KDM5C: variants seen among roughly 807,000 people sequenced by gnomAD.
KDM5C encodes lysine-specific demethylase 5C.
Under a neutral mutation model 110.6 loss-of-function variants are expected in KDM5C, and 16 were observed. The ratio of observed to expected loss-of-function variants is 0.14; its 90% CI spans 0.10 to 0.22. The LOEUF is 0.22. KDM5C is among the 10% of genes least tolerant of loss of function. The pLI is 1.00. For missense variants in KDM5C, 681 were observed against 1,300.9 expected (o/e 0.52, Z 7.33); for synonymous variants, 511 against 520.4 (o/e 0.98, Z 0.24).
At chrX:53,202,744 T>C (rs1488741415) in intron 12 of KDM5C, 1 of 112,291 alleles carries the variant, frequency 8.9e-6, no homozygotes, top group Non-Finnish European at 1.9e-5. Context: ...GTGAAGAACC[T>C]ACTTTTCTTT....
intron 8 of KDM5C, chrX:53,212,284 CCT>C: frequency 5.5e-6 from 1 of 181,773 alleles, no homozygotes. Context: ...CACCATTTTT[CCT>C]CTCTAGCTAA....
At chrX:53,208,150 A>G (rs1447296934) in intron 12 of KDM5C, among the ~76,000 whole-genome samples, 3 of 107,947 alleles carry the variant, frequency 2.8e-5, no homozygotes, top group Non-Finnish European at 3.8e-5. Context: ...AAAATCACAG[A>G]TACTTGAATT....
At chrX:53,191,216 A>C (rs782764868), downstream of KDM5C, 76 of 167,666 alleles carry the variant, frequency 4.5e-4, no homozygotes, top group African/African-American at 2.2e-3. Context: ...CAGCACCCTC[A>C]TCTTAAAGAC....
rs74850270 is a variant in KDM5C, at chrX:53,201,727, C to T, written c.1884G>A (p.Gln628=). 1.6e-3 allele frequency: 1,898 copies of T among 1,210,494 alleles called. 30 individuals carry two copies. The African/African-American group carries it at 0.029, about 18-fold the overall frequency. The change falls in exon 14 of 26, where the codon CAG becomes CAA. Residue 628 remains glutamine, a synonymous_variant. Coordinates refer to ENST00000375401, the MANE Select transcript of KDM5C (RefSeq NM_004187.5). The stretch of plus-strand genomic sequence containing the variant: ...GGAGCCGGCGGTAGTGCTCAATGCA[C>T]TGGCGCCCAGCAGGCAACTGTGGGC... The part of the protein sequence containing the change: ...CTADWLPAGR[Q]CIEHYRRLRR...
intron 25 of KDM5C, among the ~76,000 whole-genome samples, chrX:53,178,690 T>C (rs1394185119): frequency 1.8e-5 from 2 of 112,459 alleles, no homozygotes; most frequent in Non-Finnish European, 3.7e-5. Context: ...TAGGAGAACA[T>C]GTAAGTGCCC....
In KDM5C at chrX:53,199,240, T is replaced by G. The variant is rs781917021; in HGVS notation, c.2062-82A>C. On this transcript the variant is annotated intron_variant, in intron 14 of 25. Transcript: ENST00000375401. ...CATCTCAGCCACCACCGACCCCTAC[T>G]TTAGATTCAAATCTATGCTGAGGGT... The G allele has an allele frequency of 1.3e-4, 130 of 995,651 alleles. No homozygotes were observed. The South Asian group carries it at 2.3e-3, about 18-fold the overall frequency. The allele number at this position is 995,651 out of a possible 1,213,427, so 82.1% of individuals were successfully genotyped here. A position where few individuals can be genotyped will look rare whatever the true frequency, so the allele number is the denominator to read the frequency against.
At chrX:53,204,109 G>A (rs1187246107) in intron 12 of KDM5C, among the ~76,000 whole-genome samples, 1 of 111,398 alleles carries the variant, frequency 9.0e-6, no homozygotes, top group Non-Finnish European at 1.9e-5. Context: ...AAAGCTAAAT[G>A]GAAGCTCTGA....
rs781964479 is a variant in KDM5C at position 53,194,158 on chromosome X, C to T, written c.4019G>A (p.Ser1340Asn). Residue 1340 changes from serine (S) to asparagine (N), a missense_variant, in exon 23 of 26, where the codon AGT becomes AAT. By Grantham distance (46) the Ser-to-Asn change is conservative. Coordinates refer to ENST00000375401, the MANE Select transcript of KDM5C (RefSeq NM_004187.5). ...APASDPLREGSGKDMPKVQGL... is the reference protein window; with the variant it reads ...APASDPLREGNGKDMPKVQGL... ...GCTCACCTTAGGCATATCCTTGCCACTGCCCTCTCTGAGGGGGTCAGAAGC... is the reference window on the plus strand; with the variant it reads ...GCTCACCTTAGGCATATCCTTGCCATTGCCCTCTCTGAGGGGGTCAGAAGC... 8.3e-7 allele frequency: 1 copy of T among 1,202,843 alleles called. No individual in the cohort carries two copies. Among genetic ancestry groups the T allele is most frequent in the Non-Finnish European group, 1.1e-6 (1 of 890,625 alleles).
intron 2 of KDM5C, among the ~76,000 whole-genome samples, chrX:53,220,594 G>C (rs1377684705): frequency 8.9e-6 from 1 of 112,371 alleles, no homozygotes; most frequent in Non-Finnish European, 1.9e-5. Flanking sequence ...TGTGAGAAAG[G>C]GATATATGTC....
chrX:53,181,834 G>C (rs1934065530), intron 25 of KDM5C, among the ~76,000 whole-genome samples: 1 of 109,615 alleles, frequency 9.1e-6, no homozygotes, highest in African/African-American at 3.3e-5. Flanking sequence ...TGTCTCCCAG[G>C]CTGGAGTGCA....
chrX:53,191,118 G>C (rs781936569), downstream of KDM5C, among the ~76,000 whole-genome samples: 101 of 111,843 alleles, frequency 9.0e-4, no homozygotes, highest in Middle Eastern at 4.6e-3. Context: ...TCTGATACAA[G>C]CTGGTTAGTC....
Position 53,198,772 on chromosome X carries a change from C to T in KDM5C, c.2360G>A (p.Arg787Gln), listed in dbSNP as rs1192107564. Residue 787 changes from arginine (R) to glutamine (Q), a missense_variant, in exon 16 of 26, where the codon CGG becomes CAG. By Grantham distance (43) the Arg-to-Gln change is conservative. Around this residue, in one of 14 missense-constraint regions of KDM5C, gnomAD observed 123 missense variants for 169.0 expected, o/e 0.73. Transcript: ENST00000375401. Reference sequence around the variant, plus strand: ...TCCCCCCCATCACTCACTGCGCTTCCGCCCATCCTCCACCTCCAGGGCCAC... The same window carrying T: ...TCCCCCCCATCACTCACTGCGCTTCTGCCCATCCTCCACCTCCAGGGCCAC... ...VRVALEVEDG[R>Q]KRSLEELRAL... The T allele has an allele frequency of 3.3e-6, 4 of 1,210,776 alleles. No homozygotes were observed. The highest frequency in any genetic ancestry group is 2.2e-5 in the Admixed American group (1 of 45,883).
chrX:53,181,141 TTTTG>T (rs1337606425), intron 25 of KDM5C, among the ~76,000 whole-genome samples: 99 of 109,572 alleles, frequency 9.0e-4, no homozygotes, highest in African/African-American at 3.1e-3. Context: ...ATATATTTTT[TTTTG>T]TTTGTTTGTT....
chrX:53,212,192 G>A (rs1556849340), intron 8 of KDM5C, among the ~76,000 whole-genome samples: 1 of 111,494 alleles, frequency 9.0e-6, no homozygotes, highest in Non-Finnish European at 1.9e-5. Flanking sequence ...CAACTTCCAG[G>A]GAGTCATCTC....
intron 25 of KDM5C, among the ~76,000 whole-genome samples, chrX:53,179,792 T>G (rs987299199): frequency 8.9e-6 from 1 of 111,740 alleles, no homozygotes; most frequent in Non-Finnish European, 1.9e-5. Flanking sequence ...CAAATGCTGA[T>G]GAGGATATGG....
chrX:53,198,042 C>G (rs2073017233), intron 17 of KDM5C, among the ~76,000 whole-genome samples, 166 bp from the exon 18 acceptor site: 1 of 111,938 alleles, frequency 8.9e-6, no homozygotes, highest in Non-Finnish European at 1.9e-5. Context: ...AATTATAGAG[C>G]ATGTTCATAT....
At position 53,225,019 on chromosome X, in the gene KDM5C, G is replaced by A. The variant is rs967106550; in HGVS notation, c.-130C>T. The stretch of plus-strand genomic sequence containing the variant: ...CTAAGCGGGGCAGCCGCCGCCCGCC[G>A]AGGGCCTAAGGGGGCGTGTGGCCGT... On this transcript the variant is annotated 5_prime_UTR_variant, in exon 1 of 26. Coordinates refer to ENST00000375401, the MANE Select transcript of KDM5C (RefSeq NM_004187.5). The A allele has an allele frequency of 1.4e-5, 12 of 829,249 alleles. No individual in the cohort carries two copies. Among genetic ancestry groups the A allele is most frequent in the Non-Finnish European group, 1.8e-5 (11 of 604,773 alleles). 68.3% of individuals were successfully genotyped at this position (829,249 alleles called of 1,213,427 possible).
intron 17 of KDM5C, 32 bp downstream of exon 17, chrX:53,198,458 T>C (rs1470425750): frequency 8.4e-6 from 10 of 1,186,686 alleles, no homozygotes; most frequent in Non-Finnish European, 9.1e-6. Flanking sequence ...CTCAGCACCT[T>C]ATGTGTGCCC....
chrX:53,217,130 G>A lies in KDM5C; in HGVS notation c.657+13C>T, dbSNP rs781998273. 4 of 1,204,008 alleles carry A rather than the reference G, an allele frequency of 3.3e-6. No homozygotes were observed. Among genetic ancestry groups the A allele is most frequent in the African/African-American group, 1.7e-5 (1 of 57,817 alleles). On this transcript the variant is annotated intron_variant, in intron 5 of 25. Coordinates refer to ENST00000375401, the MANE Select transcript of KDM5C (RefSeq NM_004187.5). ...ACCTCAAAGCTCTAAGTTCGAAGAA[G>A]GGGAGTACTCACATCAGGCTGCAGT... is the stretch of plus-strand genomic sequence containing the variant.
Sources: allele counts gnomAD v4.1 joint callset (sites outside exome capture counted in the v4.1 genomes callset), GRCh38; gene constraint gnomAD v4.1.1; regional missense constraint gnomAD v4.1.1; transcripts MANE v1.5; gene names NCBI Gene and HGNC (gene_info 2026-07-23, HGNC 2026-07-21).